LRRC8B: variants seen among roughly 807,000 people sequenced by gnomAD.
LRRC8B encodes leucine rich repeat containing 8 VRAC subunit B, also known as volume-regulated anion channel subunit LRRC8B.
Under a neutral mutation model 58.8 loss-of-function variants are expected in LRRC8B, and 23 were observed. The ratio of observed to expected loss-of-function variants is 0.39; its 90% confidence interval spans 0.28 to 0.55. The LOEUF is 0.55. Among genes scored for constraint, LRRC8B ranks in the 20% least tolerant of loss-of-function variants. LRRC8B has a pLI of 0.62. For synonymous variants in LRRC8B, 359 were observed against 374.1 expected (o/e 0.96, Z 0.47); for missense variants, 694 against 936.0 (o/e 0.74, Z 3.37).
intron 3 of LRRC8B, among the ~76,000 whole-genome samples, chr1:89,573,293 C>T (rs750662741): frequency 1.9e-4 from 28 of 149,280 alleles, no homozygotes; most frequent in African/African-American, 6.2e-4. Context: ...AGCAAGACTC[C>T]GTCTCAAAAA....
At chr1:89,556,195 A>T (rs945947758) in intron 1 of LRRC8B, among the ~76,000 whole-genome samples, 1 of 152,068 alleles carries the variant, frequency 6.6e-6, no homozygotes, top group African/African-American at 2.4e-5. Flanking sequence ...CCCCTAAACA[A>T]TGGAGTTCAG....
chr1:89,586,180 C>T (rs1332266870), intron 5 of LRRC8B, among the ~76,000 whole-genome samples: 3 of 152,122 alleles, frequency 2.0e-5, no homozygotes, highest in Admixed American at 1.3e-4. Context: ...GGCTGAGCCC[C>T]GCTCCCAGGG....
At chr1:89,585,960 A>G (rs1654596300) in intron 5 of LRRC8B, among the ~76,000 whole-genome samples, 1 of 152,234 alleles carries the variant, frequency 6.6e-6, no homozygotes, top group Admixed American at 6.5e-5. Context: ...GTGTTAGATA[A>G]ATACCAGAAA....
At chr1:89,582,479 T>G (rs931796144) in intron 4 of LRRC8B, 146 bp from the exon 5 acceptor site, 2 of 599,794 alleles carry the variant, frequency 3.3e-6, no homozygotes, top group South Asian at 2.0e-5. Context: ...AGAAGACTTA[T>G]GTGCCCCTTA....
At position 89,593,283 on chromosome 1, in the gene LRRC8B, A is replaced by AGG; in HGVS notation, c.*243_*244dup. 2.4e-6 allele frequency: 1 copy of AGG among 422,498 alleles called. No homozygotes were observed. The highest frequency in any genetic ancestry group is 4.3e-6 in the Non-Finnish European group (1 of 232,382). 26.2% of individuals were successfully genotyped at this position (422,498 alleles called of 1,614,324 possible). Reference sequence around the variant, plus strand: ...TCCCAGCTACTTGGGAGGCTGACGCAGGGGAATTGCTTGAACCAGGGAGGT... The same window carrying AGG: ...TCCCAGCTACTTGGGAGGCTGACGCAGGGGGGAATTGCTTGAACCAGGGAGGT... On this transcript the variant is annotated 3_prime_UTR_variant, in exon 6 of 6. Coordinates refer to ENST00000330947, the MANE Select transcript of LRRC8B (RefSeq NM_001369817.2).
At chr1:89,526,548 C>T (rs983498511) in intron 1 of LRRC8B, among the ~76,000 whole-genome samples, 5 of 152,166 alleles carry the variant, frequency 3.3e-5, no homozygotes, top group African/African-American at 1.2e-4. Flanking sequence ...TCTTTTTCTC[C>T]TGGCTTTCCT....
chr1:89,559,629 T>C (rs202069142), intron 1 of LRRC8B, among the ~76,000 whole-genome samples: 12,214 of 137,264 alleles, frequency 0.089, 673 homozygotes, highest in African/African-American at 0.15. Context: ...TATATATATA[T>C]ACACACACAC....
At chr1:89,534,184 A>T (rs1488904119) in intron 1 of LRRC8B, among the ~76,000 whole-genome samples, 1 of 152,172 alleles carries the variant, frequency 6.6e-6, no homozygotes, top group African/African-American at 2.4e-5. Flanking sequence ...TTGAAAAACG[A>T]CTTGTTCTCA....
intron 5 of LRRC8B, among the ~76,000 whole-genome samples, chr1:89,589,754 T>C (rs1379697398): frequency 1.4e-5 from 2 of 145,034 alleles, no homozygotes; most frequent in Admixed American, 7.1e-5. Flanking sequence ...TGAGATGGCA[T>C]GTGTCAGTGG....
intron 1 of LRRC8B, among the ~76,000 whole-genome samples, chr1:89,531,198 C>A (rs984757062): frequency 1.3e-5 from 2 of 152,156 alleles, no homozygotes; most frequent in African/African-American, 4.8e-5. Context: ...TAAGCAATGA[C>A]TTGTCTTTCA....
intron 1 of LRRC8B, among the ~76,000 whole-genome samples, chr1:89,535,316 C>T (rs756729683): frequency 6.6e-5 from 10 of 152,116 alleles, no homozygotes; most frequent in Non-Finnish European, 1.0e-4. Flanking sequence ...CTAATAGGCC[C>T]ATTTAAAGAT....
intron 1 of LRRC8B, among the ~76,000 whole-genome samples, chr1:89,543,289 T>C (rs1002243724): frequency 2.0e-5 from 3 of 152,218 alleles, no homozygotes; most frequent in Non-Finnish European, 4.4e-5. Context: ...TAATTGGTCA[T>C]CATGGGTAAC....
intron 5 of LRRC8B, among the ~76,000 whole-genome samples, chr1:89,585,667 C>A (rs1261461145): frequency 6.6e-6 from 1 of 152,012 alleles, no homozygotes; most frequent in South Asian, 2.1e-4. Context: ...AAATTAGCTG[C>A]GCGTGGTGGC....
At chr1:89,529,263 C>T (rs1399207257) in intron 1 of LRRC8B, among the ~76,000 whole-genome samples, 1 of 152,130 alleles carries the variant, frequency 6.6e-6, no homozygotes, top group East Asian at 1.9e-4. Flanking sequence ...ATCACTGGCC[C>T]CCAAATCCTA....
At chr1:89,567,740 C>CA (rs917881266) in intron 1 of LRRC8B, among the ~76,000 whole-genome samples, 18 of 150,028 alleles carry the variant, frequency 1.2e-4, no homozygotes, top group East Asian at 3.9e-4. Flanking sequence ...GAAGTATATG[C>CA]AAAAAAAACA....
At chr1:89,530,352 C>G (rs930461813) in intron 1 of LRRC8B, among the ~76,000 whole-genome samples, 1 of 147,416 alleles carries the variant, frequency 6.8e-6, no homozygotes, top group African/African-American at 2.5e-5. Context: ...GAGCAAGACT[C>G]TGTCTCCAAA....
intron 3 of LRRC8B, among the ~76,000 whole-genome samples, chr1:89,570,719 T>A (rs1264112517): frequency 1.3e-5 from 2 of 152,220 alleles, no homozygotes; most frequent in African/African-American, 4.8e-5. Flanking sequence ...TTAGTTTAAT[T>A]AGATCCATTT....
chr1:89,587,719 T>C (rs567666834), intron 5 of LRRC8B, among the ~76,000 whole-genome samples: 1 of 152,280 alleles, frequency 6.6e-6, no homozygotes, highest in Non-Finnish European at 1.5e-5. Flanking sequence ...CAACAAATAC[T>C]ACCTCTTAAG....
intron 5 of LRRC8B, among the ~76,000 whole-genome samples, chr1:89,586,737 G>A (rs1365984436): frequency 1.3e-5 from 2 of 152,208 alleles, no homozygotes; most frequent in African/African-American, 4.8e-5. Flanking sequence ...ATCTTTTTGA[G>A]TGGGTTGTCC....
Sources: allele counts gnomAD v4.1 joint callset (sites outside exome capture counted in the v4.1 genomes callset), GRCh38; gene constraint gnomAD v4.1.1; transcripts MANE v1.5; gene names NCBI Gene and HGNC (gene_info 2026-07-23, HGNC 2026-07-21).